The following SLC39A12 variants were observed in gnomAD, a reference collection of about 807,000 sequenced individuals.
SLC39A12 encodes the protein zinc transporter ZIP12.
A neutral mutation model predicts 71.1 loss-of-function variants in SLC39A12; 63 were observed. That is an observed-to-expected ratio of 0.89 (90% confidence interval 0.72 to 1.09). The LOEUF (loss-of-function observed/expected upper bound fraction) is 1.09, where lower values mean the gene tolerates loss of function less well. SLC39A12 is among the 50% of genes least tolerant of loss of function. The pLI is 0.00. For missense variants in SLC39A12, 892 were observed against 812.6 expected, an observed-to-expected ratio of 1.10 and a Z score of -1.19; for synonymous variants, 351 against 301.3, an observed-to-expected ratio of 1.16 and a Z score of -1.71.
intron 6 of SLC39A12, among the ~76,000 whole-genome samples, chr10:17,981,844 A>G (rs1346183257): frequency 2.0e-5 from 3 of 152,210 alleles, no homozygotes; most frequent in African/African-American, 2.4e-5. Context: ...TATGTCTTCT[A>G]TAGTTGACTC....
chr10:18,017,528 T>G (rs1407685701), intron 12 of SLC39A12, among the ~76,000 whole-genome samples: 1 of 152,166 alleles, frequency 6.6e-6, no homozygotes, highest in Non-Finnish European at 1.5e-5. Flanking sequence ...AGGCTGGTCT[T>G]GAACTCCTGA....
intron 2 of SLC39A12, among the ~76,000 whole-genome samples, chr10:17,954,547 C>T (rs1021551745): frequency 3.9e-5 from 6 of 152,134 alleles, no homozygotes; most frequent in Admixed American, 6.5e-5. Context: ...AGCCACGGCG[C>T]CCGGCCTCCA....
chr10:18,017,932 G>A (rs889616134), intron 12 of SLC39A12, among the ~76,000 whole-genome samples: 13 of 152,256 alleles, frequency 8.5e-5, no homozygotes, highest in Non-Finnish European at 1.6e-4. Flanking sequence ...AACTTGCTGG[G>A]ACTTTGATTT....
Position 17,953,338 on chromosome 10 carries a change from T to C in SLC39A12, c.62T>C (p.Val21Ala), listed in dbSNP as rs368808196. The C allele has an allele frequency of 2.2e-5, 35 of 1,613,984 alleles. No homozygotes were observed. Among genetic ancestry groups the C allele is most frequent in the Non-Finnish European group, 2.3e-5 (27 of 1,180,010 alleles). The part of the protein sequence containing the change: ...WVPLFLLLSR[V>A]FSTETDKPSA... ...CCATTGTTTCTTCTACTCAGCCGTG[T>C]TTTTTCTACTGAGACAGACAAACCC... The change falls in exon 2 of 13, where the codon GTT becomes GCT. Residue 21 changes from valine to alanine, a missense_variant. Physicochemically the swap from Val to Ala is moderately conservative, Grantham distance 64. Coordinates refer to ENST00000377369, the MANE Select transcript of SLC39A12 (RefSeq NM_001145195.2).
At chr10:18,033,115 TTTG>T in intron 12 of SLC39A12, among the ~76,000 whole-genome samples, 1 of 143,970 alleles carries the variant, frequency 6.9e-6, no homozygotes, top group African/African-American at 2.6e-5. Flanking sequence ...AATTCTCTTT[TTTG>T]GTTGTGTCTC....
intron 3 of SLC39A12, among the ~76,000 whole-genome samples, chr10:17,964,274 A>C (rs1177342607): frequency 6.6e-6 from 1 of 152,180 alleles, no homozygotes. Flanking sequence ...CTACTTCTCC[A>C]AATTTATCAA....
chr10:17,953,355 G>A lies in SLC39A12; in HGVS notation c.79G>A (p.Asp27Asn). 6.2e-7 allele frequency: 1 copy of A among 1,614,120 alleles called. No individual in the cohort carries two copies. Among genetic ancestry groups the A allele is most frequent in the Non-Finnish European group, 8.5e-7 (1 of 1,180,016 alleles). The change falls in exon 2 of 13, where the codon GAC becomes AAC. Residue 27 changes from aspartate to asparagine, a missense_variant. Transcript: ENST00000377369. ...LLSRVFSTET[D>N]KPSAQDSRSR... is the part of the protein sequence containing the mutation. ...CAGCCGTGTTTTTTCTACTGAGACA[G>A]ACAAACCCTCAGCCCAGGATAGCAG...
At chr10:18,003,950 G>T (rs192568900) in intron 12 of SLC39A12, among the ~76,000 whole-genome samples, 1 of 152,300 alleles carries the variant, frequency 6.6e-6, no homozygotes, top group East Asian at 1.9e-4. Context: ...GATGAAATGA[G>T]AAAGAAGATT....
At chr10:17,957,225 T>C (rs551610865) in intron 2 of SLC39A12, among the ~76,000 whole-genome samples, 10 of 152,314 alleles carry the variant, frequency 6.6e-5, no homozygotes, top group African/African-American at 2.4e-4. Context: ...TTTTGTCAGC[T>C]GAGGCTCTCA....
intron 3 of SLC39A12, among the ~76,000 whole-genome samples, chr10:17,964,102 C>T (rs186324408): frequency 1.6e-4 from 25 of 152,176 alleles, no homozygotes; most frequent in Admixed American, 1.0e-3. Flanking sequence ...CCTGACCCCA[C>T]GCAAAGGACT....
chr10:17,977,911 A>T lies in SLC39A12; in HGVS notation c.761A>T (p.Gln254Leu). 2.5e-6 allele frequency: 4 copies of T among 1,588,982 alleles called. No homozygotes were observed. The highest frequency in any genetic ancestry group is 3.4e-6 in the Non-Finnish European group (4 of 1,172,166). The change falls in exon 5 of 13, where the codon CAA becomes CTA. Residue 254 changes from glutamine (Q) to leucine (L), a missense_variant. Transcript: ENST00000377369. ...TATATGAAATTTCTAGAACTAGACCAACTCCTCAACACTCTCTGGACCAGA... is the reference window on the plus strand; with the variant it reads ...TATATGAAATTTCTAGAACTAGACCTACTCCTCAACACTCTCTGGACCAGA... ...TNTLRLSELDQLLNTLWTRST... is the reference protein window; with the variant it reads ...TNTLRLSELDLLLNTLWTRST...
chr10:17,982,135 G>A (rs1179509670), intron 6 of SLC39A12, among the ~76,000 whole-genome samples: 1 of 152,194 alleles, frequency 6.6e-6, no homozygotes. Context: ...GGTGACCCAT[G>A]CTGGGAGCTA....
At chr10:18,004,959 C>T (rs796095374) in intron 12 of SLC39A12, among the ~76,000 whole-genome samples, 12 of 151,132 alleles carry the variant, frequency 7.9e-5, no homozygotes, top group African/African-American at 2.9e-4. Context: ...TTATCCCCAG[C>T]AAACTAATGC....
intron 7 of SLC39A12, 44 bp from the exon 8 acceptor site, chr10:17,991,107 C>T: frequency 1.3e-6 from 2 of 1,517,466 alleles, no homozygotes; most frequent in Non-Finnish European, 1.8e-6. Flanking sequence ...CAAGACTTAT[C>T]TCCATCTTTC....
At chr10:17,986,363 C>T (rs1478389021) in intron 6 of SLC39A12, among the ~76,000 whole-genome samples, 4 of 152,164 alleles carry the variant, frequency 2.6e-5, no homozygotes, top group East Asian at 1.9e-4. Flanking sequence ...ATACCACAAA[C>T]GGATGGCTTA....
intron 6 of SLC39A12, among the ~76,000 whole-genome samples, chr10:17,986,812 C>T (rs1835409967): frequency 6.6e-6 from 1 of 152,090 alleles, no homozygotes; most frequent in South Asian, 2.1e-4. Context: ...TTGAGACTAG[C>T]CCAGGTAATA....
At chr10:17,962,887 G>A (rs1834727508) in intron 3 of SLC39A12, among the ~76,000 whole-genome samples, 1 of 152,138 alleles carries the variant, frequency 6.6e-6, no homozygotes, top group Non-Finnish European at 1.5e-5. Flanking sequence ...CCAGTGCAGT[G>A]GCTCATACCT....
chr10:17,986,107 A>G (rs1430376738), intron 6 of SLC39A12, among the ~76,000 whole-genome samples: 1 of 152,208 alleles, frequency 6.6e-6, no homozygotes, highest in Non-Finnish European at 1.5e-5. Context: ...GCCAAACCTT[A>G]TGCTTCCTAT....
intron 10 of SLC39A12, among the ~76,000 whole-genome samples, chr10:17,998,374 T>C (rs1835743726): frequency 6.6e-6 from 1 of 152,230 alleles, no homozygotes; most frequent in Admixed American, 6.5e-5. Flanking sequence ...ATGTGGAAAT[T>C]ACAAGTTTAT....
Sources: allele counts gnomAD v4.1 joint callset (sites outside exome capture counted in the v4.1 genomes callset), GRCh38; gene constraint gnomAD v4.1.1; transcripts MANE v1.5; gene names NCBI Gene and HGNC (gene_info 2026-07-23, HGNC 2026-07-21).